Variants in KCNN2 observed in about 807,000 individuals in gnomAD.
The protein encoded by KCNN2 is small conductance calcium-activated potassium channel protein 2.
In KCNN2, 24 loss-of-function variants were observed where a neutral mutation model predicts 55.5. The observed-to-expected ratio is 0.43, with a 90% CI of 0.31 to 0.61. The LOEUF (loss-of-function observed/expected upper bound fraction) is 0.61, where lower values mean the gene tolerates loss of function less well. Ranked by LOEUF, KCNN2 falls within the 20% of genes least tolerant of loss-of-function variation. The pLI is 0.08. For synonymous variants in KCNN2, 431 were observed against 336.1 expected (o/e 1.28, Z -3.09); for missense variants, 754 against 853.6 (o/e 0.88, Z 1.45).
chr5:114,243,999 C>T (rs1168568935), intron 2 of KCNN2, among the ~76,000 whole-genome samples: 2 of 152,192 alleles, frequency 1.3e-5, no homozygotes, highest in Non-Finnish European at 2.9e-5. Context: ...AAGACAACTA[C>T]AGTAAATGTT....
intron 6 of KCNN2, among the ~76,000 whole-genome samples, chr5:114,490,207 A>G (rs1365964802): frequency 6.6e-6 from 1 of 152,170 alleles, no homozygotes; most frequent in East Asian, 1.9e-4. Flanking sequence ...AAGAAATCCA[A>G]TCTACTTGAT....
intron 1 of KCNN2, among the ~76,000 whole-genome samples, chr5:114,111,804 T>G (rs34122693): frequency 0.096 from 14,630 of 152,130 alleles, 811 homozygotes; most frequent in Middle Eastern, 0.21. Flanking sequence ...GTTAGAATGG[T>G]GATCATTGTA....
intron 2 of KCNN2, among the ~76,000 whole-genome samples, chr5:114,282,259 A>G (rs1192679274): frequency 1.3e-5 from 2 of 151,962 alleles, no homozygotes; most frequent in Non-Finnish European, 1.5e-5. Flanking sequence ...TGGGGAATTC[A>G]TTTTTACTTT....
At position 114,496,100 on chromosome 5, in the gene KCNN2, A is replaced by G. The variant is rs778329653; in HGVS notation, c.2294A>G (p.Tyr765Cys). Residue 765 changes from tyrosine (Y) to cysteine (C), a missense_variant, in exon 8 of 8, where the codon TAC becomes TGC. Coordinates refer to ENST00000673685, the MANE Select transcript of KCNN2 (RefSeq NM_021614.4). Reference sequence around the variant, plus strand: ...GAGAGCTACGACAAGCACGTCACTTACAATGCTGAGCGGTCCCGGTCCTCG... The same window carrying G: ...GAGAGCTACGACAAGCACGTCACTTGCAATGCTGAGCGGTCCCGGTCCTCG... ...QMESYDKHVT[Y>C]NAERSRSSSR... 5 of 1,613,954 alleles carry G rather than the reference A, an allele frequency of 3.1e-6. No individual in the cohort carries two copies. In the African/African-American group the frequency reaches 4.0e-5, roughly 13 times the overall value.
At chr5:114,267,537 G>GTTGACCCC (rs1486952689) in intron 2 of KCNN2, among the ~76,000 whole-genome samples, 2 of 152,080 alleles carry the variant, frequency 1.3e-5, no homozygotes, top group African/African-American at 2.4e-5. Flanking sequence ...AACAGTAGTG[G>GTTGACCCC]TTGACCCCTG....
chr5:114,189,504 C>T (rs995093196), intron 1 of KCNN2, among the ~76,000 whole-genome samples: 2 of 152,134 alleles, frequency 1.3e-5, no homozygotes, highest in African/African-American at 4.8e-5. Flanking sequence ...CACAGACATA[C>T]CCTGTCAAAC....
chr5:114,395,021 T>C (rs1758573856), intron 2 of KCNN2, among the ~76,000 whole-genome samples: 1 of 152,222 alleles, frequency 6.6e-6, no homozygotes, highest in African/African-American at 2.4e-5. Flanking sequence ...CCCCAGTTTT[T>C]TGCTGAGCAA....
At chr5:114,431,563 T>TA (rs1257249250) in intron 3 of KCNN2, among the ~76,000 whole-genome samples, 1 of 152,128 alleles carries the variant, frequency 6.6e-6, no homozygotes, top group Admixed American at 6.5e-5. Context: ...TCCATTGACT[T>TA]ACTGTTTTCC....
At chr5:114,472,176 T>C (rs1189727672) in intron 4 of KCNN2, among the ~76,000 whole-genome samples, 2 of 152,072 alleles carry the variant, frequency 1.3e-5, no homozygotes, top group African/African-American at 4.8e-5. Flanking sequence ...GACTGATGAA[T>C]TGGCTGCAGC....
At chr5:114,101,659 C>T (rs1751375453) in intron 1 of KCNN2, among the ~76,000 whole-genome samples, 1 of 151,844 alleles carries the variant, frequency 6.6e-6, no homozygotes, top group Admixed American at 6.6e-5. Context: ...TGTTCAACCC[C>T]CACTTATGAG....
intron 2 of KCNN2, among the ~76,000 whole-genome samples, chr5:114,274,007 A>C (rs1199211573): frequency 1.3e-5 from 2 of 152,186 alleles, no homozygotes; most frequent in Middle Eastern, 3.4e-3. Context: ...ATCTTGAGTT[A>C]ATTTTTGTAT....
chr5:114,087,280 A>C (rs1441173111), intron 1 of KCNN2, among the ~76,000 whole-genome samples: 1 of 152,044 alleles, frequency 6.6e-6, no homozygotes, highest in East Asian at 1.9e-4. Flanking sequence ...TTTTAATTTA[A>C]TTAGATCCCA....
At chr5:114,126,358 A>G (rs574716199) in intron 1 of KCNN2, among the ~76,000 whole-genome samples, 3 of 152,236 alleles carry the variant, frequency 2.0e-5, no homozygotes, top group Non-Finnish European at 2.9e-5. Context: ...GGCCTCAGGA[A>G]ACTTACAGTC....
chr5:114,412,096 C>G (rs1305653249), intron 3 of KCNN2, among the ~76,000 whole-genome samples: 2 of 152,164 alleles, frequency 1.3e-5, no homozygotes, highest in Non-Finnish European at 2.9e-5. Context: ...AGACAGATTT[C>G]TAGTCTCTTA....
At chr5:114,293,383 T>G (rs2150018893) in intron 2 of KCNN2, among the ~76,000 whole-genome samples, 1 of 152,302 alleles carries the variant, frequency 6.6e-6, no homozygotes, top group South Asian at 2.1e-4. Flanking sequence ...CCTAATTTAT[T>G]GAGAGTTTTT....
intron 1 of KCNN2, among the ~76,000 whole-genome samples, chr5:114,131,294 G>T (rs555152898): frequency 3.9e-4 from 59 of 152,076 alleles, no homozygotes; most frequent in African/African-American, 1.4e-3. Flanking sequence ...TGCCACCAAC[G>T]GGTCTCAGTG....
chr5:114,330,203 TCCC>T (rs1309156977), intron 2 of KCNN2, among the ~76,000 whole-genome samples: 4 of 152,280 alleles, frequency 2.6e-5, no homozygotes, highest in African/African-American at 9.6e-5. Context: ...GTACTCAGAT[TCCC>T]CTCCAGCTAA....
At chr5:114,483,047 GA>G (rs923415566) in intron 5 of KCNN2, among the ~76,000 whole-genome samples, 1 of 149,090 alleles carries the variant, frequency 6.7e-6, no homozygotes, top group Non-Finnish European at 1.5e-5. Flanking sequence ...AATAAAATTT[GA>G]AGGAAAAAAA....
At position 114,476,047 on chromosome 5, in the gene KCNN2, T is replaced by A. The variant is rs557087524; in HGVS notation, c.1890+2883T>A. 3.8e-3 allele frequency among the ~76,000 whole-genome samples: 573 copies of A among 152,218 alleles called. 2 individuals carry two copies. Among genetic ancestry groups the A allele is most frequent in the Middle Eastern group, 6.8e-3 (2 of 294 alleles). ...GTTATTTCATTACTACTTTTTTTTT[T>A]AAATTATACTTTAAGTTTTAGGGTA... On this transcript the variant is annotated intron_variant, in intron 5 of 7. Transcript: ENST00000673685.
Sources: allele counts gnomAD v4.1 joint callset (sites outside exome capture counted in the v4.1 genomes callset), GRCh38; gene constraint gnomAD v4.1.1; transcripts MANE v1.5; gene names NCBI Gene and HGNC (gene_info 2026-07-23, HGNC 2026-07-21).